PPP1R16A: variants seen among roughly 807,000 people sequenced by gnomAD.
PPP1R16A encodes protein phosphatase 1 regulatory subunit 16A.
A neutral mutation model predicts 46.6 loss-of-function variants in PPP1R16A; 39 were observed. The observed-to-expected ratio is 0.84, with a 90% CI of 0.65 to 1.09. The LOEUF is 1.09. Among genes scored for constraint, PPP1R16A ranks in the 50% least tolerant of loss-of-function variants. The probability of loss-of-function intolerance (pLI) is 0.00; values close to 1 mark genes in which losing one functional copy is unlikely to be tolerated. For synonymous variants in PPP1R16A, 413 were observed against 321.5 expected (o/e 1.28, Z -3.04); for missense variants, 798 against 735.6 (o/e 1.08, Z -0.98).
chr8:144,490,834 C>T (rs958722114), intron 2 of PPP1R16A, among the ~76,000 whole-genome samples: 16 of 152,106 alleles, frequency 1.1e-4, no homozygotes, highest in Non-Finnish European at 1.8e-4. Context: ...GCAGGAGGGT[C>T]GCGTCAGCCC....
chr8:144,501,900 G>A lies in PPP1R16A; in HGVS notation c.1584G>A (p.Met528Ile), dbSNP rs765645168. ...AGAGGAGGCCGTGCTGCCTGCTCATGTGAGGCTGTTGCTCAGCATGCAGGG... is the reference window on the plus strand; with the variant it reads ...AGAGGAGGCCGTGCTGCCTGCTCATATGAGGCTGTTGCTCAGCATGCAGGG... ...PVERRPCCLL[M>I] Residue 528 changes from methionine (M) to isoleucine (I), a missense_variant, in exon 12 of 12, where the codon ATG becomes ATA. Met to Ile is a conservative substitution (Grantham distance 10, BLOSUM62 1). Coordinates refer to ENST00000435887, the MANE Select transcript of PPP1R16A (RefSeq NM_001329443.2). 1.3e-6 allele frequency: 2 copies of A among 1,522,780 alleles called. No individual in the cohort carries two copies. The highest frequency in any genetic ancestry group is 4.0e-5 in the Admixed American group (2 of 50,196). 94.3% of individuals were successfully genotyped at this position (1,522,780 alleles called of 1,614,324 possible). A position where few individuals can be genotyped will look rare whatever the true frequency, so the allele number is the denominator to read the frequency against.
chr8:144,478,159 G>T (rs1411123597), intron 1 of PPP1R16A, 32 bp downstream of exon 1: 1 of 394,322 alleles, frequency 2.5e-6, no homozygotes, highest in South Asian at 1.3e-4. Flanking sequence ...CCTGCGGCGG[G>T]AGCGGAGCGA....
At chr8:144,483,652 C>T (rs542874833) in intron 1 of PPP1R16A, among the ~76,000 whole-genome samples, 25 of 151,108 alleles carry the variant, frequency 1.7e-4, no homozygotes, top group East Asian at 3.9e-4. Flanking sequence ...GTGATCCACC[C>T]GCCTTGGCCT....
At chr8:144,490,354 A>T (rs1825765493) in intron 2 of PPP1R16A, 142 bp downstream of exon 2, 1 of 152,236 alleles carries the variant, frequency 6.6e-6, no homozygotes, top group African/African-American at 2.4e-5. Context: ...TAAAGATACA[A>T]AAATTAGCCT....
intron 1 of PPP1R16A, among the ~76,000 whole-genome samples, chr8:144,488,849 C>T (rs1564761167): frequency 6.6e-6 from 1 of 151,618 alleles, no homozygotes; most frequent in Non-Finnish European, 1.5e-5. Flanking sequence ...GACATGGTGT[C>T]GCTGGGGACA....
Position 144,498,827 on chromosome 8 carries a change from C to G in PPP1R16A, c.317C>G (p.Thr106Arg), listed in dbSNP as rs374451006. The change falls in exon 4 of 12, where the codon ACG becomes AGG. Residue 106 changes from threonine (T) to arginine (R), a missense_variant. By Grantham distance (71) the Thr-to-Arg change is moderately conservative. Transcript: ENST00000435887. ...SPDLANEDGLTALHQCCIDDF... is the reference protein window; with the variant it reads ...SPDLANEDGLRALHQCCIDDF... Reference sequence around the variant, plus strand: ...GACTTGGCCAACGAGGACGGCCTGACGGCCCTGCACCAGGTCAGCCTGCAC... The same window carrying G: ...GACTTGGCCAACGAGGACGGCCTGAGGGCCCTGCACCAGGTCAGCCTGCAC... The G allele has an allele frequency of 6.2e-7, 1 of 1,607,916 alleles. No individual in the cohort carries two copies. Among genetic ancestry groups the G allele is most frequent in the Non-Finnish European group, 8.5e-7 (1 of 1,175,880 alleles).
chr8:144,494,056 T>C (rs1386445709), intron 2 of PPP1R16A, among the ~76,000 whole-genome samples: 1 of 152,208 alleles, frequency 6.6e-6, no homozygotes, highest in Admixed American at 6.5e-5. Flanking sequence ...ATGCTCAGGC[T>C]TTCTCTTCTG....
At chr8:144,481,646 AAAAAT>A (rs1485679088) in intron 1 of PPP1R16A, among the ~76,000 whole-genome samples, 3 of 152,232 alleles carry the variant, frequency 2.0e-5, no homozygotes, top group Non-Finnish European at 4.4e-5. Context: ...CTCCATCTCA[AAAAAT>A]AAAATAATTT....
rs1825743416 is a variant in PPP1R16A, at chr8:144,489,768, A to AG, written c.-913-263dup. On this transcript the variant is annotated intron_variant, in intron 1 of 11. Coordinates refer to ENST00000435887, the MANE Select transcript of PPP1R16A (RefSeq NM_001329443.2). ...GGGCCTCCTCCCACTGTCCCTCCCC[A>AG]GGGCGCAGCCAGACAAGTGCAAATG... 1.1e-4 allele frequency among the ~76,000 whole-genome samples: 16 copies of AG among 152,312 alleles called. No homozygotes were observed. The South Asian group carries it at 3.3e-3, about 32-fold the overall frequency.
chr8:144,490,935 C>T (rs1297311615), intron 2 of PPP1R16A, among the ~76,000 whole-genome samples: 2 of 151,150 alleles, frequency 1.3e-5, no homozygotes, highest in Non-Finnish European at 3.0e-5. Context: ...TGGTGGCGTG[C>T]ACCTCCCCAG....
rs756341516 is a variant in PPP1R16A, at chr8:144,501,107, CCCTCT to C, written c.1038-15_1038-11del. On this transcript the variant is annotated splice_polypyrimidine_tract_variant and intron_variant, in intron 10 of 11. Coordinates refer to ENST00000435887, the MANE Select transcript of PPP1R16A (RefSeq NM_001329443.2). The stretch of plus-strand genomic sequence containing the variant: ...TCCGGGCACTCCCCTTCCCCTCACT[CCCTCT>C]CCTCTCTCCTCCCCAGGAAGGTGGT... 10 of 1,608,274 alleles carry C rather than the reference CCCTCT, an allele frequency of 6.2e-6. No individual in the cohort carries two copies. In the African/African-American group the frequency reaches 1.3e-4, roughly 21 times the overall value.
intron 1 of PPP1R16A, among the ~76,000 whole-genome samples, chr8:144,487,170 G>C (rs1322533190): frequency 6.6e-6 from 1 of 151,912 alleles, no homozygotes; most frequent in Non-Finnish European, 1.5e-5. Flanking sequence ...TGTATTTCTA[G>C]TAGAGACGGG....
At position 144,500,958 on chromosome 8, in the gene PPP1R16A, G is replaced by A. The variant is rs1826409771; in HGVS notation, c.1024G>A (p.Ala342Thr). The A allele has an allele frequency of 1.4e-6, 2 of 1,478,072 alleles. No homozygotes were observed. Among genetic ancestry groups the A allele is most frequent in the Non-Finnish European group, 1.8e-6 (2 of 1,123,028 alleles). 91.6% of individuals were successfully genotyped at this position (1,478,072 alleles called of 1,614,324 possible). ...RSLLRRRTSS[A>T]GSRGKVVRRV... The stretch of plus-strand genomic sequence containing the variant: ...CTTGCTGCGCCGCCGCACCTCCAGC[G>A]CCGGCAGCCGCGGGTGAGCGCCGCC... Residue 342 changes from alanine (A) to threonine (T), a missense_variant, in exon 10 of 12, where the codon GCC (alanine) becomes ACC (threonine). Ala to Thr is a moderately conservative substitution (Grantham distance 58). Transcript: ENST00000435887.
At chr8:144,487,890 T>G (rs1313814937) in intron 1 of PPP1R16A, among the ~76,000 whole-genome samples, 4 of 152,264 alleles carry the variant, frequency 2.6e-5, no homozygotes, top group African/African-American at 9.6e-5. Flanking sequence ...GGGTTTTGAT[T>G]GGGACTACGT....
At chr8:144,486,888 CTG>C (rs2130256001) in intron 1 of PPP1R16A, among the ~76,000 whole-genome samples, 1 of 152,282 alleles carries the variant, frequency 6.6e-6, no homozygotes, top group South Asian at 2.1e-4. Context: ...GTTTTATAGA[CTG>C]TGCTTTTGCT....
chr8:144,479,871 A>G (rs1319730685), intron 1 of PPP1R16A, among the ~76,000 whole-genome samples: 1 of 152,192 alleles, frequency 6.6e-6, no homozygotes, highest in Non-Finnish European at 1.5e-5. Flanking sequence ...TTGCTCAGCC[A>G]GGAGCTCAGA....
At chr8:144,490,901 A>C (rs1825787676) in intron 2 of PPP1R16A, among the ~76,000 whole-genome samples, 1 of 152,106 alleles carries the variant, frequency 6.6e-6, no homozygotes, top group South Asian at 2.1e-4. Flanking sequence ...CACACAAAAA[A>C]GACAATAACA....
At chr8:144,495,164 G>C (rs550599669) in intron 2 of PPP1R16A, among the ~76,000 whole-genome samples, 7 of 152,212 alleles carry the variant, frequency 4.6e-5, no homozygotes, top group Non-Finnish European at 7.4e-5. Context: ...AGGCCTACAG[G>C]GGGGGACTAT....
intron 3 of PPP1R16A, 81 bp downstream of exon 3, chr8:144,497,534 G>T: frequency 6.4e-7 from 1 of 1,574,184 alleles, no homozygotes; most frequent in Non-Finnish European, 8.6e-7. Context: ...GCCAAGGCTG[G>T]GGGCTGGGCC....
Sources: allele counts gnomAD v4.1 joint callset (sites outside exome capture counted in the v4.1 genomes callset), GRCh38; gene constraint gnomAD v4.1.1; transcripts MANE v1.5; gene names NCBI Gene and HGNC (gene_info 2026-07-23, HGNC 2026-07-21).